Variants in DOCK8 observed in about 807,000 individuals in gnomAD.
DOCK8 encodes dedicator of cytokinesis 8.
In DOCK8, 141 loss-of-function variants were observed where a neutral mutation model predicts 245.6. The ratio of observed to expected loss-of-function variants is 0.57; its 90% CI spans 0.50 to 0.66. The LOEUF is 0.66. DOCK8 is among the 30% of genes least tolerant of loss of function. The pLI is 0.00. For synonymous variants in DOCK8, 1,168 were observed against 970.2 expected, an observed-to-expected ratio of 1.20 and a Z score of -3.79; for missense variants, 2,965 against 2,603.4, an observed-to-expected ratio of 1.14 and a Z score of -3.02.
At position 339,116 on chromosome 9, in the gene DOCK8, T is replaced by A; in HGVS notation, c.1516+17T>A. On this transcript the variant is annotated intron_variant, in intron 13 of 47. Coordinates refer to ENST00000432829, the MANE Select transcript of DOCK8 (RefSeq NM_203447.4). Reference sequence around the variant, plus strand: ...CAATTCCAGGTGTGAATGACTTATCTTTATCCTCTTTAGCTGTGCCAAAAC... The same window carrying A: ...CAATTCCAGGTGTGAATGACTTATCATTATCCTCTTTAGCTGTGCCAAAAC... 1 of 1,606,994 alleles carries A rather than the reference T, an allele frequency of 6.2e-7. No individual in the cohort carries two copies. Among genetic ancestry groups the A allele is most frequent in the Non-Finnish European group, 8.5e-7 (1 of 1,173,812 alleles).
At chr9:272,755 T>C (rs2129959561) in intron 2 of DOCK8, 1 of 152,292 alleles carries the variant, frequency 6.6e-6, no homozygotes, top group Admixed American at 6.5e-5. Context: ...CAATGCCAAT[T>C]GTTGAGTGTG....
intron 2 of DOCK8, among the ~76,000 whole-genome samples, chr9:274,984 A>G (rs1236698322): frequency 1.3e-5 from 2 of 152,194 alleles, no homozygotes; most frequent in Non-Finnish European, 2.9e-5. Flanking sequence ...AATCATTTAC[A>G]CGTCTTTGTT....
chr9:463,312 T>C (rs993371298), intron 46 of DOCK8, among the ~76,000 whole-genome samples: 9 of 151,930 alleles, frequency 5.9e-5, no homozygotes, highest in Admixed American at 2.6e-4. Flanking sequence ...TTCTGGGTGC[T>C]ACCCCTCAGC....
At chr9:452,259 C>A in intron 46 of DOCK8, 142 bp downstream of exon 46, 1 of 644,730 alleles carries the variant, frequency 1.6e-6, no homozygotes, top group Non-Finnish European at 2.8e-6. Context: ...ATTGGAATCT[C>A]TGGAGGTGTG....
intron 1 of DOCK8, among the ~76,000 whole-genome samples, chr9:255,535 G>T (rs1028914400): frequency 5.9e-5 from 9 of 151,872 alleles, no homozygotes; most frequent in African/African-American, 2.2e-4. Flanking sequence ...AGGCGTGGTG[G>T]CACTTGCCTG....
intron 45 of DOCK8, among the ~76,000 whole-genome samples, chr9:450,499 C>G (rs2057393200): frequency 6.6e-6 from 1 of 152,194 alleles, no homozygotes; most frequent in Non-Finnish European, 1.5e-5. Flanking sequence ...GGTGCTCAAG[C>G]AGTCTCAGAT....
intron 4 of DOCK8, 124 bp downstream of exon 4, chr9:289,705 T>C: frequency 2.6e-6 from 2 of 780,666 alleles, no homozygotes; most frequent in Non-Finnish European, 4.1e-6. Context: ...AATAGAGTTC[T>C]CATGTATGCC....
rs745646189 is a variant in DOCK8, at chr9:441,866, G to A, written c.5356-9G>A. 6.2e-7 allele frequency: 1 copy of A among 1,614,098 alleles called. No homozygotes were observed. Among genetic ancestry groups the A allele is most frequent in the South Asian group, 1.1e-5 (1 of 91,078 alleles). On this transcript the variant is annotated splice_polypyrimidine_tract_variant and intron_variant, in intron 41 of 47. Coordinates refer to ENST00000432829, the MANE Select transcript of DOCK8 (RefSeq NM_203447.4). Reference sequence around the variant, plus strand: ...AACTAAGGAGAGCTTTTTATATTTTGTTCCTCAGGATCATAAGAGAATGTT... The same window carrying A: ...AACTAAGGAGAGCTTTTTATATTTTATTCCTCAGGATCATAAGAGAATGTT...
intron 6 of DOCK8, among the ~76,000 whole-genome samples, chr9:313,561 G>C (rs923739745): frequency 4.6e-5 from 7 of 152,172 alleles, no homozygotes; most frequent in African/African-American, 1.4e-4. Flanking sequence ...ATCTAAAAAA[G>C]TGGATCTCAT....
chr9:308,738 A>AGG (rs2049963098), intron 5 of DOCK8, among the ~76,000 whole-genome samples: 1 of 152,070 alleles, frequency 6.6e-6, no homozygotes, highest in Admixed American at 6.5e-5. Flanking sequence ...GCTCACTGCA[A>AGG]CCCCTGCCTC....
At chr9:418,593 A>G (rs1586974611) in intron 30 of DOCK8, among the ~76,000 whole-genome samples, 1 of 152,040 alleles carries the variant, frequency 6.6e-6, no homozygotes, top group Non-Finnish European at 1.5e-5. Context: ...TGATGGGAGA[A>G]CTCAGCTTAG....
At chr9:386,639 T>C (rs1188471770) in intron 23 of DOCK8, among the ~76,000 whole-genome samples, 3 of 152,210 alleles carry the variant, frequency 2.0e-5, no homozygotes, top group Non-Finnish European at 2.9e-5. Context: ...TCCCACTTTC[T>C]CATGCATCAG....
intron 26 of DOCK8, among the ~76,000 whole-genome samples, chr9:401,081 A>C (rs1398675142): frequency 9.6e-5 from 13 of 135,666 alleles, no homozygotes; most frequent in African/African-American, 2.2e-4. Flanking sequence ...CATCACCACC[A>C]CCACCTCCAC....
At chr9:262,908 A>T (rs1394959249) in intron 1 of DOCK8, among the ~76,000 whole-genome samples, 2 of 151,988 alleles carry the variant, frequency 1.3e-5, no homozygotes, top group African/African-American at 4.8e-5. Context: ...ATCTGTTTAC[A>T]TTTAATAACT....
At chr9:257,381 G>T (rs1486656149) in intron 1 of DOCK8, among the ~76,000 whole-genome samples, 1 of 152,188 alleles carries the variant, frequency 6.6e-6, no homozygotes, top group Non-Finnish European at 1.5e-5. Flanking sequence ...CACTGAGGGA[G>T]AATGGTGAAA....
intron 36 of DOCK8, among the ~76,000 whole-genome samples, chr9:430,821 G>C (rs1441977148): frequency 6.6e-6 from 1 of 152,144 alleles, no homozygotes; most frequent in Non-Finnish European, 1.5e-5. Flanking sequence ...ACCTGTGGAA[G>C]AGGATTTTAA....
In DOCK8 at chr9:266,234, T is replaced by C. The variant is rs116244962; in HGVS notation, c.54-5393T>C. On this transcript the variant is annotated intron_variant, in intron 1 of 47. Transcript: ENST00000432829. ...GCTAACAAGGAACTGTGCATATTCCTGTAATAGAATACTTACCATATTATA... is the reference window on the plus strand; with the variant it reads ...GCTAACAAGGAACTGTGCATATTCCCGTAATAGAATACTTACCATATTATA... Among the ~76,000 whole-genome samples the C allele has an allele frequency of 5.4e-3, 821 of 152,294 alleles. 11 individuals carry two copies. Among genetic ancestry groups the C allele is most frequent in the African/African-American group, 0.019 (800 of 41,558 alleles).
Position 451,994 on chromosome 9 carries a change from TTTTTTTTTC to T in DOCK8, c.5962-16_5962-8del, listed in dbSNP as rs767478064. On this transcript the variant is annotated splice_polypyrimidine_tract_variant and splice_region_variant and intron_variant, in intron 45 of 47. Transcript: ENST00000432829. ...ATATATATATTTTTTTTTTTTTTTT[TTTTTTTTTC>T]CCACCAGGGACCACTGGAAGTAGCC... 188 of 578,636 alleles carry T rather than the reference TTTTTTTTTC, an allele frequency of 3.2e-4. No homozygotes were observed. The highest frequency in any genetic ancestry group is 4.7e-4 in the Middle Eastern group (1 of 2,136). The allele number at this position is 578,636 out of a possible 1,614,324, so 35.8% of individuals were successfully genotyped here.
At chr9:374,451 GTGTTTTTTTTTT>G (rs2053432797) in intron 18 of DOCK8, among the ~76,000 whole-genome samples, 1 of 83,594 alleles carries the variant, frequency 1.2e-5, no homozygotes, top group Non-Finnish European at 2.4e-5. Context: ...TGGTCCTTTT[GTGTTTTTTTTTT>G]TTTTTTTTTT....
Sources: gnomAD v4.1 joint callset for allele counts (sites outside exome capture counted in the v4.1 genomes callset) on GRCh38, gnomAD v4.1.1 for gene constraint, MANE v1.5 for transcripts, NCBI Gene and HGNC (gene_info 2026-07-23, HGNC 2026-07-21) for gene names.